CHST9: variants seen among roughly 807,000 people sequenced by gnomAD.
CHST9 encodes carbohydrate sulfotransferase 9.
CHST9 carries 41 observed loss-of-function variants against 44.4 expected under a neutral mutation model. The ratio of observed to expected loss-of-function variants is 0.92; its 90% CI spans 0.72 to 1.20. The LOEUF (loss-of-function observed/expected upper bound fraction) is 1.20. Ranked by LOEUF, CHST9 falls within the 50% of genes most tolerant of loss-of-function variation. The pLI, the probability that CHST9 is intolerant of heterozygous loss-of-function variation, is 0.00. For synonymous variants in CHST9, 171 were observed against 178.4 expected, an observed-to-expected ratio of 0.96 and a Z score of 0.33; for missense variants, 504 against 516.5, an observed-to-expected ratio of 0.98 and a Z score of 0.23.
rs181627400 is a variant in CHST9, at chr18:27,104,402, T to G, written c.121+38287A>C. 2.4e-4 allele frequency among the ~76,000 whole-genome samples: 37 copies of G among 152,354 alleles called. No homozygotes were observed. In the East Asian group the frequency reaches 6.6e-3, roughly 27 times the overall value. On this transcript the variant is annotated intron_variant, in intron 2 of 5. Coordinates refer to ENST00000618847, the MANE Select transcript of CHST9 (RefSeq NM_031422.6). ...TGCTTTGCATGGGTAGAAATTTTTTTCAGAAGTTGTTACTTTTGTTTTCTG... is the reference window on the plus strand; with the variant it reads ...TGCTTTGCATGGGTAGAAATTTTTTGCAGAAGTTGTTACTTTTGTTTTCTG...
intron 2 of CHST9, among the ~76,000 whole-genome samples, chr18:27,136,335 C>T (rs138760646): frequency 3.8e-4 from 58 of 152,266 alleles, no homozygotes; most frequent in African/African-American, 1.2e-3. Flanking sequence ...TGTGGCACAG[C>T]GAGGCATCCC....
intron 1 of CHST9, among the ~76,000 whole-genome samples, chr18:27,154,807 G>T (rs888071723): frequency 2.0e-5 from 3 of 152,014 alleles, no homozygotes; most frequent in African/African-American, 7.2e-5. Flanking sequence ...ATGTGGTCGG[G>T]TGTGGTGGTT....
intron 2 of CHST9, among the ~76,000 whole-genome samples, chr18:27,069,291 C>A (rs1015166706): frequency 4.6e-5 from 7 of 152,058 alleles, no homozygotes; most frequent in African/African-American, 1.7e-4. Context: ...CTCTAATGTA[C>A]CCTATAGTTC....
intron 1 of CHST9, among the ~76,000 whole-genome samples, chr18:27,178,433 A>G (rs1598782994): frequency 6.6e-6 from 1 of 152,016 alleles, no homozygotes; most frequent in African/African-American, 2.4e-5. Context: ...ATATCTCACA[A>G]TTTGATAAAT....
At chr18:27,020,649 G>A (rs2057213795) in intron 4 of CHST9, among the ~76,000 whole-genome samples, 1 of 152,180 alleles carries the variant, frequency 6.6e-6, no homozygotes, top group Non-Finnish European at 1.5e-5. Context: ...TTGACTGAGG[G>A]AATCAACCAT....
intron 4 of CHST9, among the ~76,000 whole-genome samples, chr18:27,021,356 G>A (rs927548855): frequency 1.3e-5 from 2 of 152,166 alleles, no homozygotes; most frequent in African/African-American, 2.4e-5. Flanking sequence ...AGGATCACAG[G>A]CTGCGGACTC....
intron 2 of CHST9, among the ~76,000 whole-genome samples, chr18:27,132,013 C>T (rs2058476093): frequency 6.6e-6 from 1 of 152,182 alleles, no homozygotes; most frequent in South Asian, 2.1e-4. Context: ...ATGCCCACCT[C>T]CCTAAAATGT....
intron 4 of CHST9, among the ~76,000 whole-genome samples, chr18:26,982,949 T>C (rs2056710710): frequency 6.6e-6 from 1 of 152,048 alleles, no homozygotes; most frequent in Non-Finnish European, 1.5e-5. Context: ...AGATAGACAA[T>C]TACAAAGTGA....
Position 27,052,218 on chromosome 18 carries a change from TTATATATATGTATGTGTG to T in CHST9, c.122-3733_122-3716del, listed in dbSNP as rs1396684279. 2.1e-3 allele frequency among the ~76,000 whole-genome samples: 318 copies of T among 152,040 alleles called. 3 individuals carry two copies. Among genetic ancestry groups the T allele is most frequent in the African/African-American group, 7.2e-3 (297 of 41,486 alleles). On this transcript the variant is annotated intron_variant, in intron 2 of 5. Transcript: ENST00000618847. Reference sequence around the variant, plus strand: ...ACAGGAATCTACTTAGATTTCTTAGTTATATATATGTATGTGTGTATATATAGGTGTGTGTGTATATAT... The same window carrying T: ...ACAGGAATCTACTTAGATTTCTTAGTTATATATAGGTGTGTGTGTATATAT...
In CHST9 at chr18:27,077,998, C is replaced by A. The variant is rs117956530; in HGVS notation, c.122-29495G>T. On this transcript the variant is annotated intron_variant, in intron 2 of 5. Transcript: ENST00000618847. ...AGCATGAAGGGGGAGGTGCCACACACTTTCAAACACTAGATCTTGTGAGAA... is the reference window on the plus strand; with the variant it reads ...AGCATGAAGGGGGAGGTGCCACACAATTTCAAACACTAGATCTTGTGAGAA... Among the ~76,000 whole-genome samples, 78 of 152,234 alleles carry A rather than the reference C, an allele frequency of 5.1e-4. 1 individual carries two copies. In the East Asian group the frequency reaches 0.015, roughly 28 times the overall value.
intron 1 of CHST9, among the ~76,000 whole-genome samples, chr18:27,179,873 A>G (rs1470889788): frequency 6.6e-6 from 1 of 152,102 alleles, no homozygotes; most frequent in African/African-American, 2.4e-5. Flanking sequence ...TTTTATTTTC[A>G]AGTATTTTAC....
At chr18:27,133,844 G>T (rs987166429) in intron 2 of CHST9, among the ~76,000 whole-genome samples, 1 of 152,180 alleles carries the variant, frequency 6.6e-6, no homozygotes, top group African/African-American at 2.4e-5. Context: ...GGGAACAGCC[G>T]TGACATGGGA....
chr18:27,124,734 A>C (rs1003478305), intron 2 of CHST9, among the ~76,000 whole-genome samples: 2 of 152,170 alleles, frequency 1.3e-5, no homozygotes, highest in African/African-American at 2.4e-5. Context: ...GTCTCTACCT[A>C]ATTTTCTGCC....
chr18:27,053,275 A>AAGAGGAAGAG (rs1568151279), intron 2 of CHST9, among the ~76,000 whole-genome samples: 5 of 125,666 alleles, frequency 4.0e-5, no homozygotes, highest in African/African-American at 1.5e-4. Context: ...AAGGAGAAGG[A>AAGAGGAAGAG]GAAGGAGAAG....
At chr18:26,941,581 A>G (rs1415621123) in intron 5 of CHST9, among the ~76,000 whole-genome samples, 1 of 152,004 alleles carries the variant, frequency 6.6e-6, no homozygotes, top group Non-Finnish European at 1.5e-5. Context: ...CATCTCTACA[A>G]GTAACATTTT....
intron 2 of CHST9, among the ~76,000 whole-genome samples, chr18:27,074,848 AAT>A (rs1324204746): frequency 1.4e-5 from 2 of 148,000 alleles, no homozygotes; most frequent in African/African-American, 4.9e-5. Context: ...TAATTATATA[AAT>A]ATATGATATA....
At chr18:27,109,687 G>A (rs1207731285) in intron 2 of CHST9, among the ~76,000 whole-genome samples, 1 of 152,164 alleles carries the variant, frequency 6.6e-6, no homozygotes, top group African/African-American at 2.4e-5. Context: ...CTCCCATCAC[G>A]ATCTATCTGA....
chr18:27,013,105 A>G (rs1354761875), intron 4 of CHST9, among the ~76,000 whole-genome samples: 1 of 152,206 alleles, frequency 6.6e-6, no homozygotes, highest in Non-Finnish European at 1.5e-5. Flanking sequence ...AAACTCTGTC[A>G]TTTATGAAAT....
chr18:27,057,440 C>T (rs1413973488), intron 2 of CHST9, among the ~76,000 whole-genome samples: 5 of 152,200 alleles, frequency 3.3e-5, no homozygotes, highest in Non-Finnish European at 4.4e-5. Context: ...ATTCATGCTG[C>T]TGATTAAACA....
Sources: allele counts gnomAD v4.1 joint callset (sites outside exome capture counted in the v4.1 genomes callset), GRCh38; gene constraint gnomAD v4.1.1; transcripts MANE v1.5; gene names NCBI Gene and HGNC (gene_info 2026-07-23, HGNC 2026-07-21).